Variants in C1orf87 observed in about 807,000 individuals in gnomAD.
C1orf87 encodes chromosome 1 open reading frame 87.
In C1orf87, 58 loss-of-function variants were observed where a neutral mutation model predicts 60.5. The ratio of observed to expected loss-of-function variants is 0.96; its 90% confidence interval spans 0.78 to 1.19. The LOEUF is 1.19. C1orf87 is among the 50% of genes most tolerant of loss of function. C1orf87 has a pLI of 0.00. For missense variants in C1orf87, 673 were observed against 638.6 expected, an observed-to-expected ratio of 1.05 and a Z score of -0.58; for synonymous variants, 236 against 227.4, an observed-to-expected ratio of 1.04 and a Z score of -0.34.
chr1:60,050,671 A>G (rs1645408107), intron 3 of C1orf87, among the ~76,000 whole-genome samples: 1 of 152,022 alleles, frequency 6.6e-6, no homozygotes. Context: ...TCTCCAGGAT[A>G]ACATTAAAAG....
chr1:60,032,604 A>AT (rs572780562), intron 7 of C1orf87, among the ~76,000 whole-genome samples: 19 of 151,020 alleles, frequency 1.3e-4, no homozygotes, highest in East Asian at 9.8e-4. Flanking sequence ...TACCTGGCTA[A>AT]TTTTTTTTGT....
At position 59,990,713 on chromosome 1, in the gene C1orf87, A is replaced by G. The variant is rs773763217; in HGVS notation, c.1601T>C (p.Met534Thr). Residue 534 changes from methionine to threonine, a missense_variant, in exon 12 of 12, where the codon ATG becomes ACG. Coordinates refer to ENST00000371201, the MANE Select transcript of C1orf87 (RefSeq NM_152377.3). Reference sequence around the variant, plus strand: ...GTACCGCAGTGCTGGCTCCAAGAGCATATTTTCTCCCGAACGGAATCTGCG... The same window carrying G: ...GTACCGCAGTGCTGGCTCCAAGAGCGTATTTTCTCCCGAACGGAATCTGCG... The part of the protein sequence containing the change: ...ALRRFRSGEN[M>T]LLEPALRYLK... 7.4e-6 allele frequency: 12 copies of G among 1,614,080 alleles called. No individual in the cohort carries two copies. The highest frequency in any genetic ancestry group is 9.3e-6 in the Non-Finnish European group (11 of 1,179,964).
intron 7 of C1orf87, among the ~76,000 whole-genome samples, chr1:60,029,099 C>T (rs181096380): frequency 2.0e-5 from 3 of 152,326 alleles, no homozygotes; most frequent in African/African-American, 7.2e-5. Context: ...CTACCCCTCT[C>T]AATTATTCCT....
intron 3 of C1orf87, among the ~76,000 whole-genome samples, chr1:60,043,025 G>A (rs75041888): frequency 0.013 from 2,043 of 152,276 alleles, 30 homozygotes; most frequent in Admixed American, 0.051. Context: ...AAGTGGAGAG[G>A]GAGGAGGAGA....
chr1:60,012,049 G>T (rs1645089048), intron 8 of C1orf87, among the ~76,000 whole-genome samples: 1 of 152,018 alleles, frequency 6.6e-6, no homozygotes, highest in Admixed American at 6.6e-5. Context: ...ATAAAGATCT[G>T]ATATTAGCAC....
intron 2 of C1orf87, among the ~76,000 whole-genome samples, chr1:60,068,122 C>T (rs779897992): frequency 3.3e-5 from 5 of 152,206 alleles, no homozygotes; most frequent in African/African-American, 7.2e-5. Context: ...CATGCCAGGG[C>T]GCCTCCTAAA....
chr1:60,059,679 C>T (rs952068435), intron 2 of C1orf87, among the ~76,000 whole-genome samples: 33 of 152,090 alleles, frequency 2.2e-4, no homozygotes, highest in African/African-American at 7.7e-4. Context: ...ACACCCCTGC[C>T]GAGAACATAA....
chr1:60,034,159 C>T (rs1645258839), intron 6 of C1orf87, among the ~76,000 whole-genome samples: 1 of 152,148 alleles, frequency 6.6e-6, no homozygotes, highest in African/African-American at 2.4e-5. Context: ...CTTGACTCTG[C>T]TCCTTATATC....
At chr1:60,058,440 A>C (rs1198300381) in intron 2 of C1orf87, among the ~76,000 whole-genome samples, 1 of 152,228 alleles carries the variant, frequency 6.6e-6, no homozygotes, top group Non-Finnish European at 1.5e-5. Flanking sequence ...GTTAGCATAT[A>C]AATAAATGCC....
intron 2 of C1orf87, among the ~76,000 whole-genome samples, chr1:60,059,125 ACT>A (rs1645477056): frequency 6.6e-6 from 1 of 152,026 alleles, no homozygotes; most frequent in Non-Finnish European, 1.5e-5. Context: ...CAAGAAAATG[ACT>A]CTCTAGCTGA....
At chr1:60,040,755 A>ATTTTTTTT (rs34709077) in intron 4 of C1orf87, among the ~76,000 whole-genome samples, 2 of 132,124 alleles carry the variant, frequency 1.5e-5, no homozygotes, top group East Asian at 2.2e-4. Context: ...ACTGTCTTTA[A>ATTTTTTTT]TTTTTTTTTT....
Position 59,990,700 on chromosome 1 carries a change from T to G in C1orf87, c.1614A>C (p.Pro538=), listed in dbSNP as rs772129928. ...FRSGENMLLE[P]ALRYLKEL is the part of the protein sequence containing the mutation. ...ATAGCTCCTTTAAGTACCGCAGTGCTGGCTCCAAGAGCATATTTTCTCCCG... is the reference window on the plus strand; with the variant it reads ...ATAGCTCCTTTAAGTACCGCAGTGCGGGCTCCAAGAGCATATTTTCTCCCG... Residue 538 remains proline, a synonymous_variant, in exon 12 of 12, where the codon CCA becomes CCC. Coordinates refer to ENST00000371201, the MANE Select transcript of C1orf87 (RefSeq NM_152377.3). The G allele has an allele frequency of 6.2e-7, 1 of 1,614,066 alleles. No individual in the cohort carries two copies. Among genetic ancestry groups the G allele is most frequent in the Non-Finnish European group, 8.5e-7 (1 of 1,179,954 alleles).
intron 10 of C1orf87, among the ~76,000 whole-genome samples, chr1:59,999,531 T>C (rs912695335): frequency 6.6e-6 from 1 of 152,116 alleles, no homozygotes; most frequent in African/African-American, 2.4e-5. Context: ...TTTATATTTC[T>C]TTAGATAGTT....
At position 60,050,945 on chromosome 1, in the gene C1orf87, G is replaced by C. The variant is rs549021287; in HGVS notation, c.342+4259C>G. 4.6e-5 allele frequency among the ~76,000 whole-genome samples: 7 copies of C among 152,234 alleles called. No individual in the cohort carries two copies. The South Asian group carries it at 1.5e-3, about 32-fold the overall frequency. ...ATTCACTTGGAAATACATTAGGAAA[G>C]GCGTTTACCTCAGTCTTGGAAATCA... On this transcript the variant is annotated intron_variant, in intron 3 of 11. Transcript: ENST00000371201.
chr1:59,992,750 A>G lies in C1orf87; in HGVS notation c.1481-1917T>C, dbSNP rs140909494. Among the ~76,000 whole-genome samples, 6 of 152,342 alleles carry G rather than the reference A, an allele frequency of 3.9e-5. No homozygotes were observed. The East Asian group carries it at 1.2e-3, about 29-fold the overall frequency. ...TTTAAATGTGCAAGTACTATTGTGC[A>G]TGGTGCCACCTTCTCAACTACTCTC... On this transcript the variant is annotated intron_variant, in intron 11 of 11. Transcript: ENST00000371201.
At chr1:60,012,293 C>T (rs555924544) in intron 8 of C1orf87, among the ~76,000 whole-genome samples, 2 of 152,050 alleles carry the variant, frequency 1.3e-5, no homozygotes, top group Non-Finnish European at 2.9e-5. Context: ...GTAGTGTTCT[C>T]TTAGATATCA....
At chr1:60,033,876 C>T (rs1431995337) in intron 6 of C1orf87, among the ~76,000 whole-genome samples, 1 of 152,174 alleles carries the variant, frequency 6.6e-6, no homozygotes, top group African/African-American at 2.4e-5. Context: ...CAAGAGGCAC[C>T]AACCAATCTG....
intron 8 of C1orf87, among the ~76,000 whole-genome samples, chr1:60,015,787 T>C (rs1645120638): frequency 6.6e-6 from 1 of 152,236 alleles, no homozygotes; most frequent in East Asian, 1.9e-4. Context: ...AGTCTCACTC[T>C]GTCTCCCAGG....
In C1orf87 at chr1:60,039,943, A is replaced by C. The variant is rs772459283; in HGVS notation, c.721T>G (p.Phe241Val). Residue 241 changes from phenylalanine to valine, a missense_variant, in exon 5 of 12, where the codon TTT (phenylalanine) becomes GTT (valine). Transcript: ENST00000371201. ...LPTVKILCQRFSKRGSPEMVN... is the reference protein window; with the variant it reads ...LPTVKILCQRVSKRGSPEMVN... ...ATTTCAGGAGAACCCCTCTTAGAAA[A>C]TCTCTGACAAAGGATTTTAACTGTT... is the stretch of plus-strand genomic sequence containing the variant. 1 of 1,613,946 alleles carries C rather than the reference A, an allele frequency of 6.2e-7. No individual in the cohort carries two copies. Among genetic ancestry groups the C allele is most frequent in the South Asian group, 1.1e-5 (1 of 90,998 alleles).
Sources: allele counts gnomAD v4.1 joint callset (sites outside exome capture counted in the v4.1 genomes callset), GRCh38; gene constraint gnomAD v4.1.1; transcripts MANE v1.5; gene names NCBI Gene and HGNC (gene_info 2026-07-23, HGNC 2026-07-21).